Variants in PCDH15 observed in about 807,000 individuals in gnomAD.
PCDH15 encodes the protein protocadherin related 15.
Under a neutral mutation model 178.5 loss-of-function variants are expected in PCDH15, and 129 were observed. That is an observed-to-expected ratio of 0.72 (90% confidence interval 0.63 to 0.84). PCDH15 has a LOEUF of 0.84. Ranked by LOEUF, PCDH15 falls within the 40% of genes least tolerant of loss-of-function variation. The pLI is 0.00. For missense variants in PCDH15, 2,230 were observed against 2,099.9 expected (o/e 1.06, Z -1.21); for synonymous variants, 800 against 732.0 (o/e 1.09, Z -1.50).
At chr10:54,344,014 G>C (rs948858959) in intron 6 of PCDH15, among the ~76,000 whole-genome samples, 1 of 152,056 alleles carries the variant, frequency 6.6e-6, no homozygotes, top group African/African-American at 2.4e-5. Flanking sequence ...AGAATTACTA[G>C]AGATTTAGTA....
chr10:54,980,336 T>C (rs1021364583), intron 2 of PCDH15, among the ~76,000 whole-genome samples: 6 of 152,152 alleles, frequency 3.9e-5, no homozygotes, highest in Non-Finnish European at 8.8e-5. Flanking sequence ...TCAATTCATC[T>C]AATGAAAAGA....
intron 2 of PCDH15, among the ~76,000 whole-genome samples, chr10:55,057,893 T>C (rs1056756158): frequency 6.6e-6 from 1 of 152,204 alleles, no homozygotes; most frequent in Non-Finnish European, 1.5e-5. Context: ...TATTAACATA[T>C]ACACATTTTA....
In PCDH15 at chr10:54,290,605, C is replaced by T. The variant is rs145575383; in HGVS notation, c.876+26666G>A. 2.7e-3 allele frequency among the ~76,000 whole-genome samples: 408 copies of T among 152,054 alleles called. 1 individual carries two copies. Among genetic ancestry groups the T allele is most frequent in the African/African-American group, 6.9e-3 (284 of 41,446 alleles). On this transcript the variant is annotated intron_variant, in intron 8 of 37. Transcript: ENST00000644397. The stretch of plus-strand genomic sequence containing the variant: ...AATTAAAAGATACAGACTGGCAAAT[C>T]GGATAAAGGGTCAAGATCAATCAGT...
upstream of PCDH15, among the ~76,000 whole-genome samples, chr10:55,323,939 AG>A (rs1436129910): frequency 1.3e-5 from 2 of 152,150 alleles, no homozygotes; most frequent in African/African-American, 4.8e-5. Flanking sequence ...CCATGCATCA[AG>A]GATGGGGCCA....
chr10:55,356,713 T>C (rs182577940), intron 2 of PCDH15, among the ~76,000 whole-genome samples: 1 of 151,996 alleles, frequency 6.6e-6, no homozygotes, highest in Admixed American at 6.6e-5. Context: ...TTAACCAATT[T>C]AGTTGTTATA....
intron 3 of PCDH15, among the ~76,000 whole-genome samples, chr10:54,865,449 C>T (rs1742005868): frequency 6.6e-6 from 1 of 152,126 alleles, no homozygotes. Flanking sequence ...CAGACTGAGC[C>T]ACTACTAGCT....
intron 18 of PCDH15, among the ~76,000 whole-genome samples, chr10:54,057,943 A>C (rs1230755898): frequency 1.3e-5 from 2 of 152,150 alleles, no homozygotes; most frequent in Non-Finnish European, 1.5e-5. Flanking sequence ...GAGTGACCTT[A>C]ACTCCAGTTC....
chr10:54,709,764 CTT>C (rs1283454346), intron 1 of PCDH15, among the ~76,000 whole-genome samples: 3 of 147,900 alleles, frequency 2.0e-5, no homozygotes, highest in African/African-American at 7.4e-5. Flanking sequence ...CAGGACATAT[CTT>C]AATATGTATA....
chr10:55,513,488 A>G (rs940721929), intron 2 of PCDH15, among the ~76,000 whole-genome samples: 2 of 152,146 alleles, frequency 1.3e-5, no homozygotes, highest in African/African-American at 4.8e-5. Flanking sequence ...ATTAAATGAA[A>G]TACATGTCAG....
intron 3 of PCDH15, among the ~76,000 whole-genome samples, chr10:54,452,142 C>T (rs2076517975): frequency 2.6e-5 from 4 of 151,912 alleles, no homozygotes; most frequent in South Asian, 2.1e-4. Flanking sequence ...AGGTAGAAAA[C>T]TCTTTTACTA....
chr10:53,932,889 T>C (rs959878668), intron 25 of PCDH15, among the ~76,000 whole-genome samples: 1 of 152,138 alleles, frequency 6.6e-6, no homozygotes, highest in African/African-American at 2.4e-5. Flanking sequence ...GACAGATCCC[T>C]CATGGCTTGG....
At chr10:54,703,069 C>T (rs2095327808) in intron 1 of PCDH15, among the ~76,000 whole-genome samples, 1 of 152,040 alleles carries the variant, frequency 6.6e-6, no homozygotes, top group Non-Finnish European at 1.5e-5. Flanking sequence ...AAGGTTGGTT[C>T]AACATATGCA....
intron 21 of PCDH15, among the ~76,000 whole-genome samples, chr10:53,989,496 A>T (rs2091322583): frequency 6.6e-6 from 1 of 152,132 alleles, no homozygotes; most frequent in Admixed American, 6.5e-5. Context: ...ATCTAATTAT[A>T]TTCCACTGTT....
intron 2 of PCDH15, among the ~76,000 whole-genome samples, chr10:55,159,874 A>G (rs1187406786): frequency 6.6e-6 from 1 of 150,656 alleles, no homozygotes; most frequent in African/African-American, 2.4e-5. Flanking sequence ...TCCTCTCTCA[A>G]TAAAATTATC....
intron 5 of PCDH15, among the ~76,000 whole-genome samples, chr10:54,347,282 ATTAG>A (rs1239341402): frequency 1.3e-5 from 2 of 152,034 alleles, no homozygotes; most frequent in African/African-American, 4.8e-5. Flanking sequence ...AATACTACTC[ATTAG>A]TTAAATTTCA....
At chr10:54,501,066 C>T (rs979644369) in intron 3 of PCDH15, among the ~76,000 whole-genome samples, 2 of 151,784 alleles carry the variant, frequency 1.3e-5, no homozygotes, top group Non-Finnish European at 2.9e-5. Context: ...GGGAGGGGAA[C>T]ATCACACAAT....
intron 2 of PCDH15, among the ~76,000 whole-genome samples, chr10:55,621,183 A>G (rs1250615755): frequency 6.6e-6 from 1 of 152,196 alleles, no homozygotes; most frequent in Non-Finnish European, 1.5e-5. Context: ...ATAGAATTTA[A>G]CTTATATGTT....
intron 6 of PCDH15, among the ~76,000 whole-genome samples, chr10:54,344,904 CAA>C (rs57295345): frequency 0.023 from 1,845 of 78,774 alleles, 15 homozygotes; most frequent in African/African-American, 0.037. Context: ...AGAAACAAAG[CAA>C]AAAAAAAAAA....
intron 2 of PCDH15, among the ~76,000 whole-genome samples, chr10:54,913,545 G>C (rs1954853403): frequency 6.6e-6 from 1 of 152,234 alleles, no homozygotes; most frequent in Non-Finnish European, 1.5e-5. Context: ...TGTGGTTGGA[G>C]CCACACACAG....
Sources: allele counts gnomAD v4.1 joint callset (sites outside exome capture counted in the v4.1 genomes callset), GRCh38; gene constraint gnomAD v4.1.1; transcripts MANE v1.5; gene names NCBI Gene and HGNC (gene_info 2026-07-23, HGNC 2026-07-21).